The following NR5A2 variants were observed in gnomAD, a reference collection of about 807,000 sequenced individuals.
NR5A2 encodes the protein nuclear receptor subfamily 5 group A member 2.
A neutral mutation model predicts 62.7 loss-of-function variants in NR5A2; 26 were observed. The ratio of observed to expected loss-of-function variants is 0.41; its 90% CI spans 0.30 to 0.58. NR5A2 has a LOEUF of 0.58. Among genes scored for constraint, NR5A2 ranks in the 20% least tolerant of loss-of-function variants. The pLI is 0.22. For missense variants in NR5A2, 541 were observed against 669.1 expected, an observed-to-expected ratio of 0.81 and a Z score of 2.11; for synonymous variants, 246 against 241.7, an observed-to-expected ratio of 1.02 and a Z score of -0.16.
chr1:200,117,245 A>G lies in NR5A2; in HGVS notation c.1231-3563A>G, dbSNP rs11586801. On this transcript the variant is annotated intron_variant, in intron 6 of 7. Coordinates refer to ENST00000367362, the MANE Select transcript of NR5A2 (RefSeq NM_205860.3). ...ATGAGCACAAACTCTGCATTCAACA[A>G]TGAAAATATAATTATGTTTGTAATA... 5.8e-3 allele frequency among the ~76,000 whole-genome samples: 888 copies of G among 152,370 alleles called. 5 individuals are homozygous for G. The highest frequency in any genetic ancestry group is 9.6e-3 in the Non-Finnish European group (654 of 68,024).
chr1:200,163,688 C>T (rs374481471), intron 7 of NR5A2, among the ~76,000 whole-genome samples: 175 of 152,162 alleles, frequency 1.2e-3, no homozygotes, highest in African/African-American at 4.0e-3. Flanking sequence ...CCATGTTGGC[C>T]AGGCTGGTCT....
intron 7 of NR5A2, among the ~76,000 whole-genome samples, chr1:200,146,846 CATA>C (rs1667721635): frequency 6.6e-6 from 1 of 152,054 alleles, no homozygotes; most frequent in African/African-American, 2.4e-5. Context: ...TAAAAATTTA[CATA>C]ATAATTTACT....
chr1:200,146,469 C>G (rs1331824608), intron 7 of NR5A2, among the ~76,000 whole-genome samples: 2 of 152,132 alleles, frequency 1.3e-5, no homozygotes, highest in Admixed American at 6.5e-5. Flanking sequence ...GTATAAATAG[C>G]CATCAGTGGG....
At chr1:200,037,620 A>G (rs901175103) in intron 1 of NR5A2, among the ~76,000 whole-genome samples, 1 of 152,196 alleles carries the variant, frequency 6.6e-6, no homozygotes, top group African/African-American at 2.4e-5. Flanking sequence ...GGAATACTGA[A>G]ATGTAGTGAC....
chr1:200,150,800 C>T (rs931611704), intron 7 of NR5A2, among the ~76,000 whole-genome samples: 3 of 152,174 alleles, frequency 2.0e-5, no homozygotes, highest in African/African-American at 7.2e-5. Context: ...TCTCTAATCA[C>T]ATAAGAAGAA....
At chr1:200,033,717 C>T (rs940967253) in intron 1 of NR5A2, among the ~76,000 whole-genome samples, 1 of 152,194 alleles carries the variant, frequency 6.6e-6, no homozygotes, top group Non-Finnish European at 1.5e-5. Context: ...CTCGTAATCG[C>T]GAAAGTTATC....
At chr1:200,056,954 C>T (rs1448301681) in intron 5 of NR5A2, among the ~76,000 whole-genome samples, 1 of 152,110 alleles carries the variant, frequency 6.6e-6, no homozygotes, top group African/African-American at 2.4e-5. Context: ...CCCTCCTGTT[C>T]GATATAGTCT....
rs1006609469 is a variant in NR5A2, at chr1:200,114,633, A to G, written c.1230+3312A>G. 3.0e-4 allele frequency among the ~76,000 whole-genome samples: 46 copies of G among 152,334 alleles called. 2 individuals are homozygous for G. The highest frequency in any genetic ancestry group is 6.3e-4 in the Non-Finnish European group (43 of 68,028). On this transcript the variant is annotated intron_variant, in intron 6 of 7. Transcript: ENST00000367362. ...AGAGAATTGCAGTAGGAATTACAGG[A>G]AGTATTCTGTGAAATGCTGACACAA...
chr1:200,084,209 C>A (rs867331234), intron 5 of NR5A2, among the ~76,000 whole-genome samples: 2 of 151,976 alleles, frequency 1.3e-5, no homozygotes, highest in South Asian at 2.1e-4. Flanking sequence ...TTATTTAAGA[C>A]AATTGCACTC....
At chr1:200,112,089 A>G (rs1665979688) in intron 6 of NR5A2, among the ~76,000 whole-genome samples, 1 of 152,118 alleles carries the variant, frequency 6.6e-6, no homozygotes, top group Admixed American at 6.6e-5. Flanking sequence ...GAAAAAAAAA[A>G]AAAGGAAAGA....
At chr1:200,045,266 A>G (rs959452176) in intron 3 of NR5A2, among the ~76,000 whole-genome samples, 177 bp from the exon 4 acceptor site, 1 of 152,194 alleles carries the variant, frequency 6.6e-6, no homozygotes, top group East Asian at 1.9e-4. Context: ...AATCTCCACC[A>G]TGGCCTGGCA....
intron 5 of NR5A2, among the ~76,000 whole-genome samples, chr1:200,097,364 A>G (rs1039149732): frequency 1.3e-5 from 2 of 152,226 alleles, no homozygotes; most frequent in African/African-American, 2.4e-5. Flanking sequence ...CCCTTCTTAC[A>G]AGGGAGACAA....
chr1:200,085,726 T>G (rs1218526196), intron 5 of NR5A2, among the ~76,000 whole-genome samples: 1 of 151,044 alleles, frequency 6.6e-6, no homozygotes, highest in Non-Finnish European at 1.5e-5. Flanking sequence ...GGGATACACA[T>G]GTACAAAACT....
At chr1:200,111,395 A>G (rs570373665) in intron 6 of NR5A2, 74 bp downstream of exon 6, 1 of 1,508,656 alleles carries the variant, frequency 6.6e-7, no homozygotes, top group South Asian at 1.3e-5. Context: ...GAATTTAACT[A>G]GGTCAGAAGC....
intron 7 of NR5A2, among the ~76,000 whole-genome samples, chr1:200,137,817 G>T (rs924017728): frequency 6.6e-6 from 1 of 151,980 alleles, no homozygotes; most frequent in African/African-American, 2.4e-5. Flanking sequence ...GTTGTTACTT[G>T]CTACAAGAAA....
At chr1:200,034,936 G>A (rs986355901) in intron 1 of NR5A2, among the ~76,000 whole-genome samples, 2 of 151,946 alleles carry the variant, frequency 1.3e-5, no homozygotes, top group African/African-American at 4.8e-5. Flanking sequence ...AATACAAAGC[G>A]CTCGGGATGA....
chr1:200,052,864 T>C (rs548778662), intron 5 of NR5A2, among the ~76,000 whole-genome samples: 2 of 152,130 alleles, frequency 1.3e-5, no homozygotes, highest in Non-Finnish European at 2.9e-5. Context: ...ATGGTCTTGA[T>C]CTCCTGACCT....
intron 1 of NR5A2, among the ~76,000 whole-genome samples, chr1:200,034,605 T>A (rs965090292): frequency 5.0e-5 from 2 of 40,354 alleles, no homozygotes; most frequent in Non-Finnish European, 9.1e-5. Context: ...CCCGGGGGGG[T>A]GGGTGGGGGG....
intron 7 of NR5A2, among the ~76,000 whole-genome samples, chr1:200,130,305 AG>A (rs1558157036): frequency 0.012 from 155 of 13,062 alleles, no homozygotes; most frequent in Admixed American, 0.027. Context: ...AAGAAGAAGA[AG>A]AAGAAGAAGA....
Sources: allele counts gnomAD v4.1 joint callset (sites outside exome capture counted in the v4.1 genomes callset), GRCh38; gene constraint gnomAD v4.1.1; transcripts MANE v1.5; gene names NCBI Gene and HGNC (gene_info 2026-07-23, HGNC 2026-07-21).